Variants in WWP2 observed in about 807,000 individuals in gnomAD.
The protein encoded by WWP2 is WW domain containing E3 ubiquitin protein ligase 2, also known as NEDD4-like E3 ubiquitin-protein ligase WWP2.
Under a neutral mutation model 121.0 loss-of-function variants are expected in WWP2, and 57 were observed. The ratio of observed to expected loss-of-function variants is 0.47; its 90% confidence interval spans 0.38 to 0.59. The LOEUF (loss-of-function observed/expected upper bound fraction) is 0.59, where lower values mean the gene tolerates loss of function less well. Ranked by LOEUF, WWP2 falls within the 20% of genes least tolerant of loss-of-function variation. The probability of loss-of-function intolerance (pLI) is 0.00; values close to 1 mark genes in which losing one functional copy is unlikely to be tolerated. For missense variants in WWP2, 962 were observed against 1,158.9 expected, an observed-to-expected ratio of 0.83 and a Z score of 2.47; for synonymous variants, 449 against 441.3, an observed-to-expected ratio of 1.02 and a Z score of -0.22.
intron 6 of WWP2, among the ~76,000 whole-genome samples, chr16:69,860,224 G>A (rs1310178060): frequency 6.6e-6 from 1 of 152,168 alleles, no homozygotes; most frequent in African/African-American, 2.4e-5. Context: ...GAGGTGATGA[G>A]TGACTGGATT....
At chr16:69,836,048 C>T (rs1158955607) in intron 4 of WWP2, among the ~76,000 whole-genome samples, 5 of 152,090 alleles carry the variant, frequency 3.3e-5, no homozygotes, top group Non-Finnish European at 7.4e-5. Context: ...GGTGATCCAC[C>T]CACCTCGGCC....
At chr16:69,884,351 C>CT (rs1183975672) in intron 7 of WWP2, among the ~76,000 whole-genome samples, 1 of 152,186 alleles carries the variant, frequency 6.6e-6, no homozygotes, top group Non-Finnish European at 1.5e-5. Context: ...AGGCTGGGTG[C>CT]AGTGGCTCAT....
Position 69,799,243 on chromosome 16 carries a change from A to G in WWP2, c.288A>G (p.Leu96=), listed in dbSNP as rs550841943. Residue 96 remains leucine, a synonymous_variant, in exon 4 of 24, where the codon CTA becomes CTG. Transcript: ENST00000359154. This position sits in a 1 kb window ranked among gnomAD's most constrained non-coding sequence, Gnocchi z 4.5. ...GCCATACCTTGAGAAATGAACTGCT[A>G]GGCACCGCATCTGTCAACCTCTCCA... ...WSCHTLRNEL[L]GTASVNLSNV... is the part of the protein sequence containing the mutation. The G allele has an allele frequency of 1.1e-5, 17 of 1,614,192 alleles. No individual in the cohort carries two copies. The South Asian group carries it at 1.9e-4, about 18-fold the overall frequency.
Position 69,917,854 on chromosome 16 carries a change from C to G in WWP2, c.1150C>G (p.Gln384Glu). 1.2e-6 allele frequency: 2 copies of G among 1,612,584 alleles called. No homozygotes were observed. Among genetic ancestry groups the G allele is most frequent in the East Asian group, 2.2e-5 (1 of 44,834 alleles). ...GCGGAATCAGCTCCAGGGGGCCATGCAGCACTTCAGCCAAAGATTCCTCTA... is the reference window on the plus strand; with the variant it reads ...GCGGAATCAGCTCCAGGGGGCCATGGAGCACTTCAGCCAAAGATTCCTCTA... ...SQRNQLQGAM[Q>E]HFSQRFLYQS... The change falls in exon 10 of 24, where the codon CAG becomes GAG. Residue 384 changes from glutamine (Q) to glutamate (E), a missense_variant. Transcript: ENST00000359154.
At chr16:69,775,430 G>A (rs982550384) in intron 1 of WWP2, among the ~76,000 whole-genome samples, 60 of 152,276 alleles carry the variant, frequency 3.9e-4, no homozygotes, top group African/African-American at 1.2e-3. Flanking sequence ...CATCAGCCAT[G>A]TCCTGTCTAC....
At chr16:69,913,341 GTT>G (rs1324521563) in intron 9 of WWP2, among the ~76,000 whole-genome samples, 2 of 151,424 alleles carry the variant, frequency 1.3e-5, no homozygotes, top group Non-Finnish European at 2.9e-5. Flanking sequence ...CCAAAAAAAA[GTT>G]TTTTTTAAAT....
intron 7 of WWP2, among the ~76,000 whole-genome samples, chr16:69,886,373 C>T (rs528734463): frequency 4.6e-5 from 7 of 152,074 alleles, no homozygotes; most frequent in Admixed American, 1.3e-4. Flanking sequence ...TCTAGGTATC[C>T]GGCCTAGATA....
chr16:69,835,993 G>C (rs2056870068), intron 4 of WWP2, among the ~76,000 whole-genome samples: 1 of 151,938 alleles, frequency 6.6e-6, no homozygotes, highest in African/African-American at 2.4e-5. Flanking sequence ...AGTAAAGATG[G>C]GGTTTCACCA....
At chr16:69,824,165 C>T (rs928200884) in intron 4 of WWP2, among the ~76,000 whole-genome samples, 1 of 152,246 alleles carries the variant, frequency 6.6e-6, no homozygotes, top group African/African-American at 2.4e-5. Context: ...CAGGTTCTCC[C>T]AGGGGAGGTG....
chr16:69,867,768 G>A (rs560684787), intron 6 of WWP2, among the ~76,000 whole-genome samples: 15 of 152,322 alleles, frequency 9.8e-5, no homozygotes, highest in Admixed American at 8.5e-4. Context: ...CATTTGTGGA[G>A]TTTGGCCTGA....
intron 1 of WWP2, among the ~76,000 whole-genome samples, chr16:69,771,867 A>G (rs1283613148): frequency 6.6e-6 from 1 of 151,792 alleles, no homozygotes; most frequent in Non-Finnish European, 1.5e-5. Context: ...TCGCTGGGTC[A>G]ATATGGTGCC....
intron 4 of WWP2, among the ~76,000 whole-genome samples, chr16:69,805,233 A>G (rs563521454): frequency 1.2e-4 from 18 of 152,114 alleles, no homozygotes; most frequent in African/African-American, 4.3e-4. Context: ...ACGGGGTTTC[A>G]TCATTAAGGC....
At chr16:69,900,191 A>G (rs2058181372) in intron 8 of WWP2, among the ~76,000 whole-genome samples, 1 of 152,244 alleles carries the variant, frequency 6.6e-6, no homozygotes, top group African/African-American at 2.4e-5. Flanking sequence ...CACAAGAAAA[A>G]TAATTAAACG....
At chr16:69,886,053 G>C (rs2151935766) in intron 7 of WWP2, among the ~76,000 whole-genome samples, 1 of 152,324 alleles carries the variant, frequency 6.6e-6, no homozygotes, top group Non-Finnish European at 1.5e-5. Context: ...TTTACTAGAA[G>C]AGGGAATACT....
In WWP2 at chr16:69,910,619, C is replaced by T. The variant is rs548808163; in HGVS notation, c.1004+1769C>T. ...AGAGACAGGGTTTCACCATTTTGGCCAGGCTGGTCTTGAACTCTTGACCTT... is the reference window on the plus strand; with the variant it reads ...AGAGACAGGGTTTCACCATTTTGGCTAGGCTGGTCTTGAACTCTTGACCTT... On this transcript the variant is annotated intron_variant, in intron 9 of 23. Coordinates refer to ENST00000359154, the MANE Select transcript of WWP2 (RefSeq NM_001270454.2). Among the ~76,000 whole-genome samples the T allele has an allele frequency of 2.2e-3, 339 of 152,246 alleles. 1 individual carries two copies. Among genetic ancestry groups the T allele is most frequent in the African/African-American group, 7.8e-3 (326 of 41,538 alleles).
At chr16:69,867,183 T>G (rs2057542133) in intron 6 of WWP2, among the ~76,000 whole-genome samples, 1 of 151,902 alleles carries the variant, frequency 6.6e-6, no homozygotes, top group Admixed American at 6.6e-5. Flanking sequence ...AATCCTGTTT[T>G]GTTTAATTAC....
intron 6 of WWP2, among the ~76,000 whole-genome samples, chr16:69,862,156 C>T (rs748688640): frequency 6.6e-6 from 1 of 151,496 alleles, no homozygotes; most frequent in Non-Finnish European, 1.5e-5. Flanking sequence ...ACCTCAGCCT[C>T]CAGGGTTCAA....
intron 9 of WWP2, among the ~76,000 whole-genome samples, chr16:69,912,231 G>A (rs1377084072): frequency 6.6e-6 from 1 of 151,796 alleles, no homozygotes; most frequent in Non-Finnish European, 1.5e-5. Flanking sequence ...GGAGGTTACA[G>A]TGAGCTGAGA....
intron 6 of WWP2, among the ~76,000 whole-genome samples, chr16:69,844,045 C>T (rs369500025): frequency 2.0e-5 from 3 of 152,218 alleles, no homozygotes; most frequent in African/African-American, 7.2e-5. Flanking sequence ...TGGCAAGTGG[C>T]GGGAGCAAGA....
Sources: allele counts gnomAD v4.1 joint callset (sites outside exome capture counted in the v4.1 genomes callset), GRCh38; gene constraint gnomAD v4.1.1; non-coding constraint Gnocchi (gnomAD v3.1); transcripts MANE v1.5; gene names NCBI Gene and HGNC (gene_info 2026-07-23, HGNC 2026-07-21).